ENTREP2: variants seen among roughly 807,000 people sequenced by gnomAD.
ENTREP2 encodes the protein endosomal transmembrane epsin interactor 2, also known as protein ENTREP2.
At chr15:29,536,363 G>C in the ENTREP2 span, among the ~76,000 whole-genome samples, 2 of 152,096 alleles carry the variant, frequency 1.3e-5, no homozygotes, top group Non-Finnish European at 2.9e-5. Flanking sequence ...GAAAACACAT[G>C]GGTACTTGAT....
At chr15:29,148,541 A>G in the ENTREP2 span, among the ~76,000 whole-genome samples, 3 of 152,224 alleles carry the variant, frequency 2.0e-5, no homozygotes, top group East Asian at 5.8e-4. Flanking sequence ...CTAATACAAT[A>G]TAAATGCTAT....
chr15:29,124,866 C>A, the ENTREP2 span: 1 of 1,002,600 alleles, frequency 1.0e-6, no homozygotes, highest in Non-Finnish European at 1.5e-6. Context: ...GGCGAGCAAG[C>A]AGGAGAAGCC....
chr15:29,538,138 ACAG>A, the ENTREP2 span, among the ~76,000 whole-genome samples: 2 of 152,244 alleles, frequency 1.3e-5, no homozygotes, highest in Admixed American at 1.3e-4. Flanking sequence ...GCTACATCCC[ACAG>A]CAGTGTCTGG....
the ENTREP2 span, among the ~76,000 whole-genome samples, chr15:29,403,479 A>C: frequency 6.6e-6 from 1 of 152,212 alleles, no homozygotes; most frequent in East Asian, 1.9e-4. Context: ...ATTCCATTAA[A>C]ATTGCATTAT....
At chr15:29,208,894 C>T in the ENTREP2 span, among the ~76,000 whole-genome samples, 2 of 152,042 alleles carry the variant, frequency 1.3e-5, no homozygotes, top group Non-Finnish European at 2.9e-5. Context: ...TGAATCTAAC[C>T]GACATGTTGA....
the ENTREP2 span, among the ~76,000 whole-genome samples, chr15:29,656,351 G>A: frequency 1.3e-5 from 2 of 151,808 alleles, no homozygotes; most frequent in Admixed American, 6.6e-5. Context: ...TCAGCCTCCC[G>A]AGTAGCTGGG....
At chr15:29,376,293 C>T in the ENTREP2 span, 1 of 152,120 alleles carries the variant, frequency 6.6e-6, no homozygotes, top group African/African-American at 2.4e-5. Context: ...ATTATTCATA[C>T]ATAAGCCATC....
At chr15:29,561,710 T>TAAA in the ENTREP2 span, among the ~76,000 whole-genome samples, 3 of 149,094 alleles carry the variant, frequency 2.0e-5, no homozygotes, top group Admixed American at 1.3e-4. Context: ...ATAATAATAA[T>TAAA]AAAATAAATA....
the ENTREP2 span, among the ~76,000 whole-genome samples, chr15:29,655,996 C>A: frequency 1.6e-4 from 24 of 148,584 alleles, 1 homozygote; most frequent in Middle Eastern, 0.014. Context: ...CGCACTCCAG[C>A]CCGGGTGACA....
the ENTREP2 span, among the ~76,000 whole-genome samples, chr15:29,264,154 C>A: frequency 2.9e-4 from 20 of 69,058 alleles, no homozygotes; most frequent in African/African-American, 5.1e-4. Flanking sequence ...GACTCCGTCT[C>A]AAAAAAAAAA....
At chr15:29,258,922 C>G in the ENTREP2 span, among the ~76,000 whole-genome samples, 1 of 152,194 alleles carries the variant, frequency 6.6e-6, no homozygotes, top group East Asian at 1.9e-4. Flanking sequence ...TCAGAATTTC[C>G]TTCCTTTTCA....
At chr15:29,619,005 C>T in the ENTREP2 span, among the ~76,000 whole-genome samples, 2 of 152,208 alleles carry the variant, frequency 1.3e-5, no homozygotes, top group Admixed American at 6.5e-5. Context: ...GGACCACACT[C>T]CCAGTGCAGA....
the ENTREP2 span, chr15:29,128,868 C>T: frequency 1.3e-6 from 2 of 1,548,144 alleles, no homozygotes; most frequent in African/African-American, 1.4e-5. Flanking sequence ...TTGTAACCTA[C>T]AGTAAGAAAC....
chr15:29,269,308 C>T, the ENTREP2 span: 1 of 1,614,192 alleles, frequency 6.2e-7, no homozygotes, highest in African/African-American at 1.3e-5. Flanking sequence ...GTACTGGAGG[C>T]GCTCGGCGGC....
chr15:29,407,794 T>C, the ENTREP2 span, among the ~76,000 whole-genome samples: 1 of 151,980 alleles, frequency 6.6e-6, no homozygotes, highest in Non-Finnish European at 1.5e-5. Flanking sequence ...GCCTCCCGAG[T>C]AGCTGGGACT....
At chr15:29,650,442 A>T in the ENTREP2 span, among the ~76,000 whole-genome samples, 1 of 151,970 alleles carries the variant, frequency 6.6e-6, no homozygotes, top group African/African-American at 2.4e-5. Context: ...AAAATACAAA[A>T]ATTAGCCAGG....
chr15:29,553,681 G>A, the ENTREP2 span, among the ~76,000 whole-genome samples: 1 of 152,148 alleles, frequency 6.6e-6, no homozygotes, highest in Non-Finnish European at 1.5e-5. Context: ...CTAGCTCTGG[G>A]GGAAGCAGCC....
the ENTREP2 span, among the ~76,000 whole-genome samples, chr15:29,270,651 A>AG: frequency 7.8e-6 from 1 of 128,996 alleles, no homozygotes; most frequent in Non-Finnish European, 1.5e-5. Flanking sequence ...ATTAGCTTTG[A>AG]GGAAAAAAAA....
At chr15:29,406,173 C>G in the ENTREP2 span, among the ~76,000 whole-genome samples, 1 of 152,142 alleles carries the variant, frequency 6.6e-6, no homozygotes, top group African/African-American at 2.4e-5. Flanking sequence ...GAATGGGACT[C>G]CATTGTATAA....
Sources: allele counts gnomAD v4.1 joint callset (sites outside exome capture counted in the v4.1 genomes callset), GRCh38; gene constraint gnomAD v4.1.1; transcripts MANE v1.5; gene names NCBI Gene and HGNC (gene_info 2026-07-23, HGNC 2026-07-21).